The following GPR158 variants were observed in gnomAD, a reference collection of about 807,000 sequenced individuals.
GPR158 encodes metabotropic glycine receptor.
GPR158 carries 30 observed loss-of-function variants against 78.2 expected under a neutral mutation model. The ratio of observed to expected loss-of-function variants is 0.38; its 90% CI spans 0.29 to 0.52. The LOEUF is 0.52. Ranked by LOEUF, GPR158 falls within the 20% of genes least tolerant of loss-of-function variation. The pLI is 0.83. For synonymous variants in GPR158, 581 were observed against 591.1 expected (o/e 0.98, Z 0.25); for missense variants, 1,463 against 1,523.5 (o/e 0.96, Z 0.66).
chr10:25,347,540 C>T (rs922892954), intron 2 of GPR158, among the ~76,000 whole-genome samples: 1 of 151,980 alleles, frequency 6.6e-6, no homozygotes, highest in African/African-American at 2.4e-5. Flanking sequence ...CATCATTATA[C>T]AAGCTATTTT....
At chr10:25,567,408 TC>T (rs1256157010) in intron 6 of GPR158, among the ~76,000 whole-genome samples, 2 of 152,128 alleles carry the variant, frequency 1.3e-5, no homozygotes, top group Admixed American at 6.5e-5. Flanking sequence ...TGTTGGACCA[TC>T]CCTCCAGAGT....
chr10:25,328,927 C>CAAAAAAAAAAAAAAA (rs3054026), intron 2 of GPR158, among the ~76,000 whole-genome samples: 5 of 89,072 alleles, frequency 5.6e-5, no homozygotes, highest in South Asian at 3.8e-4. Context: ...AACTTCATCA[C>CAAAAAAAAAAAAAAA]AAAAAAAAAA....
chr10:25,480,271 G>T (rs1330514282), intron 5 of GPR158, among the ~76,000 whole-genome samples: 1 of 152,072 alleles, frequency 6.6e-6, no homozygotes, highest in Admixed American at 6.6e-5. Flanking sequence ...CAAAGAGTCT[G>T]CCATGGTGGT....
In GPR158 at chr10:25,428,517, G is replaced by A. The variant is rs987744819; in HGVS notation, c.1335+16044G>A. 3.3e-5 allele frequency among the ~76,000 whole-genome samples: 5 copies of A among 152,126 alleles called. No individual in the cohort carries two copies. In the East Asian group the frequency reaches 7.7e-4, roughly 24 times the overall value. ...GGGTCCAAGAGTTTGAGATTAAAAA[G>A]CATATGTACTCCAAAGTCAAGCTTG... is the stretch of plus-strand genomic sequence containing the variant. On this transcript the variant is annotated intron_variant, in intron 4 of 10. Transcript: ENST00000376351.
intron 2 of GPR158, among the ~76,000 whole-genome samples, chr10:25,341,244 C>T (rs907746133): frequency 5.3e-5 from 8 of 151,738 alleles, no homozygotes; most frequent in African/African-American, 9.7e-5. Context: ...TCTGGAGATA[C>T]AGGAAAGAAT....
chr10:25,397,826 T>C (rs1179096735), intron 3 of GPR158, among the ~76,000 whole-genome samples: 1 of 152,170 alleles, frequency 6.6e-6, no homozygotes, highest in African/African-American at 2.4e-5. Context: ...TTAGGTTCTG[T>C]TATTTAGCAA....
At chr10:25,594,157 T>C in intron 8 of GPR158, 135 bp from the exon 9 acceptor site, 1 of 592,466 alleles carries the variant, frequency 1.7e-6, no homozygotes, top group Non-Finnish European at 3.0e-6. Context: ...GATGAAAATA[T>C]ATGCCATAGA....
At chr10:25,178,080 G>A (rs1262058167) in intron 1 of GPR158, among the ~76,000 whole-genome samples, 3 of 152,108 alleles carry the variant, frequency 2.0e-5, no homozygotes, top group African/African-American at 7.2e-5. Context: ...TCTAACATTC[G>A]CTTTATGTCA....
intron 4 of GPR158, among the ~76,000 whole-genome samples, chr10:25,439,768 C>G (rs924890237): frequency 2.0e-5 from 3 of 152,262 alleles, no homozygotes; most frequent in South Asian, 2.1e-4. Context: ...AAACTCAGTG[C>G]AAAATCCTAT....
chr10:25,188,792 TTAAAC>T lies in GPR158; in HGVS notation c.902+12475_902+12479del, dbSNP rs1178224614. ...GCCAAAATTGACAAATGGGATCTAA[TTAAAC>T]TAAAGAGCTTCTTCACAGCAAAAGA... On this transcript the variant is annotated intron_variant, in intron 1 of 10. Coordinates refer to ENST00000376351, the MANE Select transcript of GPR158 (RefSeq NM_020752.3). 2.0e-5 allele frequency among the ~76,000 whole-genome samples: 3 copies of T among 152,128 alleles called. No individual in the cohort carries two copies. The East Asian group carries it at 5.8e-4, about 29-fold the overall frequency.
At chr10:25,458,191 G>T in intron 4 of GPR158, among the ~76,000 whole-genome samples, 1 of 152,064 alleles carries the variant, frequency 6.6e-6, no homozygotes, top group East Asian at 1.9e-4. Flanking sequence ...GAAAAAATGG[G>T]CTTTCTTATG....
intron 2 of GPR158, among the ~76,000 whole-genome samples, chr10:25,304,396 T>A (rs1466408155): frequency 2.6e-5 from 4 of 152,074 alleles, no homozygotes; most frequent in African/African-American, 7.2e-5. Flanking sequence ...ACCCCTTTTA[T>A]AACACAGTGT....
At chr10:25,201,585 A>G (rs1397070345) in intron 1 of GPR158, among the ~76,000 whole-genome samples, 1 of 152,084 alleles carries the variant, frequency 6.6e-6, no homozygotes, top group African/African-American at 2.4e-5. Flanking sequence ...CTCAAGGGGA[A>G]TTCTGCCAGT....
At chr10:25,534,161 T>C (rs1019286337) in intron 5 of GPR158, among the ~76,000 whole-genome samples, 2 of 152,206 alleles carry the variant, frequency 1.3e-5, no homozygotes, top group Non-Finnish European at 2.9e-5. Flanking sequence ...TTCTTCTCTA[T>C]AATTATGTTG....
At chr10:25,437,527 C>T (rs532434805) in intron 4 of GPR158, among the ~76,000 whole-genome samples, 3 of 152,304 alleles carry the variant, frequency 2.0e-5, no homozygotes, top group South Asian at 4.1e-4. Context: ...GGCCCAGTCC[C>T]TATTGGGATT....
chr10:25,210,215 G>T (rs1431585515), intron 1 of GPR158, among the ~76,000 whole-genome samples: 4 of 152,074 alleles, frequency 2.6e-5, no homozygotes, highest in African/African-American at 9.7e-5. Context: ...AAATAATTTT[G>T]ATTAAATAGT....
At chr10:25,433,746 T>C (rs549086243) in intron 4 of GPR158, among the ~76,000 whole-genome samples, 5 of 146,310 alleles carry the variant, frequency 3.4e-5, no homozygotes, top group South Asian at 2.2e-4. Context: ...TTGCCCAGTC[T>C]GGTCTCAAAC....
intron 7 of GPR158, among the ~76,000 whole-genome samples, chr10:25,577,867 G>A (rs1466432044): frequency 6.6e-6 from 1 of 152,052 alleles, no homozygotes; most frequent in African/African-American, 2.4e-5. Flanking sequence ...AAAAAATAAG[G>A]TAAGATTTAA....
At chr10:25,424,742 T>C (rs1372019976) in intron 4 of GPR158, among the ~76,000 whole-genome samples, 1 of 152,152 alleles carries the variant, frequency 6.6e-6, no homozygotes, top group African/African-American at 2.4e-5. Flanking sequence ...CATTGATCTA[T>C]ATCTCTGTTT....
Sources: allele counts gnomAD v4.1 joint callset (sites outside exome capture counted in the v4.1 genomes callset), GRCh38; gene constraint gnomAD v4.1.1; transcripts MANE v1.5; gene names NCBI Gene and HGNC (gene_info 2026-07-23, HGNC 2026-07-21).